CLMN: variants seen among roughly 807,000 people sequenced by gnomAD.
CLMN encodes the protein calmin (calponin-like, transmembrane).
In CLMN, 57 loss-of-function variants were observed where a neutral mutation model predicts 92.7. That is an observed-to-expected ratio of 0.61 (90% CI 0.50 to 0.77). The LOEUF is 0.77. Among genes scored for constraint, CLMN ranks in the 30% least tolerant of loss-of-function variants. The pLI is 0.00. For missense variants in CLMN, 1,158 were observed against 1,237.5 expected (o/e 0.94, Z 0.96); for synonymous variants, 466 against 470.6 (o/e 0.99, Z 0.13).
Position 95,196,478 on chromosome 14 carries a change from A to G in CLMN, c.2708+20T>C, listed in dbSNP as rs1896715268. The G allele has an allele frequency of 6.2e-7, 1 of 1,600,590 alleles. No homozygotes were observed. On this transcript the variant is annotated intron_variant, in intron 10 of 12. Coordinates refer to ENST00000298912, the MANE Select transcript of CLMN (RefSeq NM_024734.4). ...ACTCTCTGGCTCCACCTTACGGGTGAAAAGAGATGAATAAAATACCTGGAA... is the reference window on the plus strand; with the variant it reads ...ACTCTCTGGCTCCACCTTACGGGTGGAAAGAGATGAATAAAATACCTGGAA...
At chr14:95,197,524 A>G (rs1334155598) in intron 9 of CLMN, among the ~76,000 whole-genome samples, 1 of 152,350 alleles carries the variant, frequency 6.6e-6, no homozygotes, top group East Asian at 1.9e-4. Flanking sequence ...TAGGTGGGCC[A>G]AAGGGTGCAA....
chr14:95,220,067 T>C (rs1163640955), intron 4 of CLMN, among the ~76,000 whole-genome samples: 1 of 152,120 alleles, frequency 6.6e-6, no homozygotes, highest in East Asian at 1.9e-4. Context: ...AAGTGGTCCT[T>C]TGCGTCTGGC....
intron 1 of CLMN, among the ~76,000 whole-genome samples, chr14:95,301,339 A>C (rs1220358978): frequency 6.6e-6 from 1 of 152,234 alleles, no homozygotes; most frequent in African/African-American, 2.4e-5. Flanking sequence ...TACCACTCCC[A>C]GGTGGAAATG....
At chr14:95,193,527 T>C in intron 12 of CLMN, 2 of 724,704 alleles carry the variant, frequency 2.8e-6, no homozygotes, top group South Asian at 3.7e-5. Context: ...CTTTGCTAAC[T>C]ACCCTATACC....
intron 1 of CLMN, among the ~76,000 whole-genome samples, chr14:95,235,822 G>A (rs1277588711): frequency 6.6e-6 from 1 of 152,118 alleles, no homozygotes; most frequent in African/African-American, 2.4e-5. Context: ...AGGGGAGGGA[G>A]ACAAAGGGGG....
At chr14:95,265,154 G>A (rs750769465) in intron 1 of CLMN, among the ~76,000 whole-genome samples, 15 of 151,892 alleles carry the variant, frequency 9.9e-5, no homozygotes, top group Non-Finnish European at 2.2e-4. Context: ...GAGGCTGAGA[G>A]GGTCTCAGCC....
At chr14:95,229,875 C>T (rs1034785666) in intron 2 of CLMN, among the ~76,000 whole-genome samples, 197 bp downstream of exon 2, 14 of 152,072 alleles carry the variant, frequency 9.2e-5, no homozygotes, top group African/African-American at 3.4e-4. Context: ...ATGATGACCC[C>T]AGGAGGGCAG....
intron 1 of CLMN, among the ~76,000 whole-genome samples, chr14:95,244,210 C>A (rs570575795): frequency 6.6e-6 from 1 of 152,142 alleles, no homozygotes; most frequent in Non-Finnish European, 1.5e-5. Flanking sequence ...TACAGTAGTG[C>A]GAGAACAGAC....
At chr14:95,260,257 C>A (rs915936423) in intron 1 of CLMN, among the ~76,000 whole-genome samples, 15 of 152,012 alleles carry the variant, frequency 9.9e-5, no homozygotes, top group African/African-American at 2.4e-5. Context: ...CTGGCTAACA[C>A]GGTGAAACCC....
chr14:95,197,403 A>AAAG (rs199563881), intron 9 of CLMN, among the ~76,000 whole-genome samples: 131 of 151,766 alleles, frequency 8.6e-4, no homozygotes, highest in African/African-American at 3.0e-3. Context: ...AGAAAAAAGA[A>AAAG]AAAAAGAAAG....
chr14:95,253,509 G>T lies in CLMN; in HGVS notation c.83-23376C>A, dbSNP rs140745412. 7.5e-4 allele frequency among the ~76,000 whole-genome samples: 114 copies of T among 152,216 alleles called. 2 individuals carry two copies. The East Asian group carries it at 0.014, about 19-fold the overall frequency. On this transcript the variant is annotated intron_variant, in intron 1 of 12. Coordinates refer to ENST00000298912, the MANE Select transcript of CLMN (RefSeq NM_024734.4). ...CAATTACAAATATGGATCAAGTCTC[G>T]CATGCAGGGAATGCAGGGAGATGGA...
intron 1 of CLMN, among the ~76,000 whole-genome samples, chr14:95,312,350 T>C (rs76870195): frequency 0.057 from 8,640 of 152,268 alleles, 259 homozygotes; most frequent in Middle Eastern, 0.092. Flanking sequence ...GGTAAGCCCA[T>C]TTCTAAAGCA....
chr14:95,261,500 A>G (rs779584298), intron 1 of CLMN, among the ~76,000 whole-genome samples: 2 of 152,202 alleles, frequency 1.3e-5, no homozygotes, highest in Non-Finnish European at 2.9e-5. Context: ...GCATTTTTGT[A>G]GTTTCTCCTG....
intron 1 of CLMN, among the ~76,000 whole-genome samples, chr14:95,234,126 C>A (rs1004996878): frequency 7.9e-5 from 12 of 152,324 alleles, no homozygotes; most frequent in Non-Finnish European, 1.0e-4. Context: ...GGCACACTTG[C>A]AATTTTCAAA....
intron 1 of CLMN, among the ~76,000 whole-genome samples, chr14:95,258,608 T>C (rs1899113191): frequency 6.8e-6 from 1 of 148,108 alleles, no homozygotes; most frequent in Non-Finnish European, 1.5e-5. Context: ...CTGTGGTATA[T>C]GTGCGGAAGG....
chr14:95,282,955 G>A (rs1211759555), intron 1 of CLMN, among the ~76,000 whole-genome samples: 1 of 152,232 alleles, frequency 6.6e-6, no homozygotes, highest in Non-Finnish European at 1.5e-5. Flanking sequence ...ACTGGGGAGG[G>A]GGAGGGACTC....
chr14:95,210,264 C>G (rs1343412285), intron 7 of CLMN, among the ~76,000 whole-genome samples: 2 of 151,846 alleles, frequency 1.3e-5, no homozygotes, highest in Non-Finnish European at 2.9e-5. Flanking sequence ...GTTGGCCAGG[C>G]TGGTCTCGAA....
intron 1 of CLMN, among the ~76,000 whole-genome samples, chr14:95,268,108 G>A (rs538024455): frequency 1.3e-5 from 2 of 152,180 alleles, no homozygotes; most frequent in East Asian, 3.8e-4. Context: ...CAATAGTTCA[G>A]TACAGTGACT....
At chr14:95,283,357 C>T (rs1289267927) in intron 1 of CLMN, among the ~76,000 whole-genome samples, 2 of 152,182 alleles carry the variant, frequency 1.3e-5, no homozygotes, top group African/African-American at 4.8e-5. Flanking sequence ...TTCCCAGTCT[C>T]GGGTATGTCT....
Sources: gnomAD v4.1 joint callset for allele counts (sites outside exome capture counted in the v4.1 genomes callset) on GRCh38, gnomAD v4.1.1 for gene constraint, MANE v1.5 for transcripts, NCBI Gene and HGNC (gene_info 2026-07-23, HGNC 2026-07-21) for gene names.